Variants in PPP1R9A observed in about 807,000 individuals in gnomAD.
The protein encoded by PPP1R9A is neurabin-1.
PPP1R9A carries 59 observed loss-of-function variants against 141.9 expected under a neutral mutation model. The ratio of observed to expected loss-of-function variants is 0.42; its 90% CI spans 0.34 to 0.52. PPP1R9A has a LOEUF of 0.52. PPP1R9A is among the 20% of genes least tolerant of loss of function. PPP1R9A has a pLI of 0.10. For missense variants in PPP1R9A, 1,444 were observed against 1,611.9 expected (o/e 0.90, Z 1.78); for synonymous variants, 500 against 569.7 (o/e 0.88, Z 1.74).
chr7:95,238,839 T>G (rs1364532921), intron 8 of PPP1R9A, among the ~76,000 whole-genome samples: 1 of 152,196 alleles, frequency 6.6e-6, no homozygotes, highest in East Asian at 1.9e-4. Context: ...CAGTTAAAAT[T>G]ATGAACCTGT....
chr7:95,213,976 C>A (rs1297709809), intron 7 of PPP1R9A, among the ~76,000 whole-genome samples: 3 of 152,108 alleles, frequency 2.0e-5, no homozygotes, highest in African/African-American at 7.2e-5. Flanking sequence ...AAGCACGCTC[C>A]CTTCCAGTTT....
chr7:95,161,712 A>G (rs184501840), intron 4 of PPP1R9A, among the ~76,000 whole-genome samples, 155 bp from the exon 5 acceptor site: 105 of 152,364 alleles, frequency 6.9e-4, no homozygotes, highest in Non-Finnish European at 1.3e-3. Context: ...CACTGATAAC[A>G]GGAAGCAGAA....
At chr7:95,231,286 CAAT>C (rs1200827785) in intron 8 of PPP1R9A, among the ~76,000 whole-genome samples, 2 of 152,080 alleles carry the variant, frequency 1.3e-5, no homozygotes, top group East Asian at 3.9e-4. Context: ...GATGGCAACA[CAAT>C]AATAGTGGGG....
chr7:95,241,948 C>G (rs1797526410), intron 8 of PPP1R9A, among the ~76,000 whole-genome samples: 1 of 152,100 alleles, frequency 6.6e-6, no homozygotes, highest in African/African-American at 2.4e-5. Context: ...TGAGTACCTA[C>G]TTAGGGAGTG....
At chr7:94,984,816 T>G (rs991048482) in intron 2 of PPP1R9A, among the ~76,000 whole-genome samples, 1 of 152,170 alleles carries the variant, frequency 6.6e-6, no homozygotes, top group Non-Finnish European at 1.5e-5. Context: ...GAAGGGTTTT[T>G]TGTGTCTCTA....
chr7:95,199,185 A>ATTT (rs1788979726), intron 6 of PPP1R9A, among the ~76,000 whole-genome samples: 1 of 152,206 alleles, frequency 6.6e-6, no homozygotes, highest in African/African-American at 2.4e-5. Flanking sequence ...ATGCTGGTCT[A>ATTT]TTTCTAATGT....
intron 2 of PPP1R9A, among the ~76,000 whole-genome samples, chr7:95,097,411 AAGAG>A (rs10565355): frequency 0.33 from 49,833 of 151,918 alleles, 9,538 homozygotes; most frequent in Non-Finnish European, 0.44. Context: ...AATGGCTCAA[AAGAG>A]AGAGAAAGTA....
At chr7:95,211,269 T>C (rs1385878867) in intron 7 of PPP1R9A, among the ~76,000 whole-genome samples, 1 of 152,172 alleles carries the variant, frequency 6.6e-6, no homozygotes, top group Non-Finnish European at 1.5e-5. Context: ...ACCAACAGGA[T>C]TGGAAGGGTT....
chr7:95,059,091 C>G (rs570850949), intron 2 of PPP1R9A, among the ~76,000 whole-genome samples: 1 of 152,260 alleles, frequency 6.6e-6, no homozygotes, highest in East Asian at 1.9e-4. Context: ...CACCCAGACT[C>G]AAAGTGGTAA....
At chr7:95,056,925 A>G (rs1584471104) in intron 2 of PPP1R9A, among the ~76,000 whole-genome samples, 2 of 152,252 alleles carry the variant, frequency 1.3e-5, no homozygotes, top group South Asian at 4.1e-4. Context: ...ACACACCTTC[A>G]CTAAACTTTG....
At chr7:95,053,904 A>C (rs1425204370) in intron 2 of PPP1R9A, among the ~76,000 whole-genome samples, 1 of 152,200 alleles carries the variant, frequency 6.6e-6, no homozygotes, top group Non-Finnish European at 1.5e-5. Context: ...TATAGCGTTC[A>C]GCTCAGACAG....
chr7:95,208,676 A>G (rs1490632679), intron 7 of PPP1R9A, among the ~76,000 whole-genome samples: 3 of 151,776 alleles, frequency 2.0e-5, no homozygotes, highest in African/African-American at 7.3e-5. Context: ...GTGAGCCGAG[A>G]TCACACCACG....
chr7:94,983,689 C>T (rs918040693), intron 2 of PPP1R9A, among the ~76,000 whole-genome samples: 109 of 152,112 alleles, frequency 7.2e-4, no homozygotes, highest in African/African-American at 1.8e-3. Context: ...TTGTATCCTG[C>T]GACTTTGCTG....
At chr7:95,275,253 C>T (rs1168433422) in intron 16 of PPP1R9A, among the ~76,000 whole-genome samples, 1 of 151,826 alleles carries the variant, frequency 6.6e-6, no homozygotes, top group South Asian at 2.1e-4. Flanking sequence ...ACCAAAAATA[C>T]AAAAATTAGC....
In PPP1R9A at chr7:95,151,941, C is replaced by CTTTT. The variant is rs1167382285; in HGVS notation, c.1650-9900_1650-9897dup. ...AATGTCAGCACATAGTACTGAGAAT[C>CTTTT]TTTTTTTTTTTTTTTTTTTTTTTTT... On this transcript the variant is annotated intron_variant, in intron 4 of 19. Coordinates refer to ENST00000433360, the MANE Select transcript of PPP1R9A (RefSeq NM_001166160.2). 1.6e-3 allele frequency among the ~76,000 whole-genome samples: 89 copies of CTTTT among 54,464 alleles called. 17 individuals are homozygous for CTTTT. Among genetic ancestry groups the CTTTT allele is most frequent in the Admixed American group, 8.4e-3 (28 of 3,318 alleles). The allele number at this position is 54,464 out of a possible 152,430, so 35.7% of individuals were successfully genotyped here.
chr7:95,049,361 C>G (rs891062502), intron 2 of PPP1R9A, among the ~76,000 whole-genome samples: 1 of 152,132 alleles, frequency 6.6e-6, no homozygotes, highest in Non-Finnish European at 1.5e-5. Flanking sequence ...AGGACCCCAC[C>G]TACTTTTAAA....
chr7:95,171,084 A>G (rs965007386), intron 5 of PPP1R9A, among the ~76,000 whole-genome samples: 3 of 151,542 alleles, frequency 2.0e-5, no homozygotes, highest in Non-Finnish European at 4.4e-5. Flanking sequence ...AAAGAGTTAT[A>G]CCAATAAAGA....
At chr7:95,147,198 A>G (rs1160276739) in intron 4 of PPP1R9A, among the ~76,000 whole-genome samples, 3 of 152,150 alleles carry the variant, frequency 2.0e-5, no homozygotes, top group Non-Finnish European at 4.4e-5. Context: ...TTCTCCTTGA[A>G]GAGGTCCTCC....
chr7:95,163,029 A>G (rs1830665520), intron 5 of PPP1R9A, among the ~76,000 whole-genome samples: 1 of 152,192 alleles, frequency 6.6e-6, no homozygotes, highest in Admixed American at 6.5e-5. Flanking sequence ...CCATTCAGTA[A>G]ATGTGATTGT....
Sources: gnomAD v4.1 joint callset for allele counts (sites outside exome capture counted in the v4.1 genomes callset) on GRCh38, gnomAD v4.1.1 for gene constraint, MANE v1.5 for transcripts, NCBI Gene and HGNC (gene_info 2026-07-23, HGNC 2026-07-21) for gene names.